IQCH: variants seen among roughly 807,000 people sequenced by gnomAD.
IQCH encodes the protein IQ motif containing H.
In IQCH, 98 loss-of-function variants were observed where a neutral mutation model predicts 117.0. The ratio of observed to expected loss-of-function variants is 0.84; its 90% CI spans 0.71 to 0.99. The LOEUF (loss-of-function observed/expected upper bound fraction) is 0.99, where lower values mean the gene tolerates loss of function less well. Ranked by LOEUF, IQCH falls within the 50% of genes least tolerant of loss-of-function variation. The probability of loss-of-function intolerance (pLI) is 0.00; values close to 1 mark genes in which losing one functional copy is unlikely to be tolerated. For synonymous variants in IQCH, 412 were observed against 448.2 expected, an observed-to-expected ratio of 0.92 and a Z score of 1.02; for missense variants, 1,102 against 1,243.8, an observed-to-expected ratio of 0.89 and a Z score of 1.72.
rs754222282 is a variant in IQCH at position 67,372,377 on chromosome 15, T to C, written c.1020T>C (p.Tyr340=). 25 of 1,614,152 alleles carry C rather than the reference T, an allele frequency of 1.5e-5. No individual in the cohort carries two copies. The highest frequency in any genetic ancestry group is 2.0e-5 in the Non-Finnish European group (24 of 1,180,016). ...EFELTNKLTR[Y]DLLSVLEDPA... ...AGCTGACGAATAAACTTACCAGATA[T>C]GACCTTCTCTCAGTGTTAGAGGACC... The change falls in exon 9 of 21, where the codon TAT becomes TAC. Residue 340 remains tyrosine (Y), a synonymous_variant. Transcript: ENST00000335894.
Position 67,406,459 on chromosome 15 carries a change from C to CA in IQCH, c.2097+6154_2097+6155insA, listed in dbSNP as rs1212033399. On this transcript the variant is annotated intron_variant, in intron 14 of 20. Transcript: ENST00000335894. The surrounding 1 kb of genome is among the most constrained non-coding windows in gnomAD (Gnocchi z 4.5). ...ATCACTCGAGCCCAGGAGTTTGAGG[C>CA]TGCAATGAGTCATGACTGCACCACC... is the stretch of plus-strand genomic sequence containing the variant. 1 of 152,162 alleles carries CA rather than the reference C, an allele frequency of 6.6e-6. No individual in the cohort carries two copies. The highest frequency in any genetic ancestry group is 1.9e-4 in the East Asian group (1 of 5,198). 9.4% of individuals were successfully genotyped at this position (152,162 alleles called of 1,614,324 possible). A position where few individuals can be genotyped will look rare whatever the true frequency, so the allele number is the denominator to read the frequency against.
chr15:67,326,207 A>C (rs1426421642), intron 4 of IQCH, among the ~76,000 whole-genome samples: 1 of 152,144 alleles, frequency 6.6e-6, no homozygotes, highest in Non-Finnish European at 1.5e-5. Flanking sequence ...GTGAGTGAGA[A>C]CATGTGGTGT....
In IQCH at chr15:67,309,494, C is replaced by T. The variant is rs1488488824; in HGVS notation, c.388-27481C>T. Among the ~76,000 whole-genome samples the T allele has an allele frequency of 5.3e-5, 8 of 151,990 alleles. No homozygotes were observed. In the East Asian group the frequency reaches 1.5e-3, roughly 29 times the overall value. ...TATTAAGGACAGGACTGATTTGTCC[C>T]CTCCTCTGTCTAGTCTCTGCTCTGA... On this transcript the variant is annotated intron_variant, in intron 4 of 20. Transcript: ENST00000335894.
In IQCH at chr15:67,359,893, AT is replaced by A. The variant is rs1970062502; in HGVS notation, c.753+11del. ...GGACATCATGATAGGAAGGTCTGTA[AT>A]TTGTGTGACTAGTTGAAATTTAGGG... On this transcript the variant is annotated intron_variant, in intron 8 of 20. Coordinates refer to ENST00000335894, the MANE Select transcript of IQCH (RefSeq NM_001031715.3). This position sits in a 1 kb window ranked among gnomAD's most constrained non-coding sequence, Gnocchi z 4.5. The A allele has an allele frequency of 6.2e-7, 1 of 1,611,236 alleles. No individual in the cohort carries two copies. The highest frequency in any genetic ancestry group is 8.5e-7 in the Non-Finnish European group (1 of 1,177,430).
chr15:67,357,278 A>G (rs115226519), intron 6 of IQCH, 67 bp from the exon 7 acceptor site: 10 of 1,067,234 alleles, frequency 9.4e-6, no homozygotes, highest in Admixed American at 1.7e-5. Flanking sequence ...TGCAAACCCA[A>G]TAGCATCCAA....
chr15:67,442,678 G>A (rs2082300458), intron 16 of IQCH, among the ~76,000 whole-genome samples: 1 of 151,956 alleles, frequency 6.6e-6, no homozygotes. Context: ...CCCATTACTG[G>A]ATATCTACCC....
chr15:67,336,895 CTTTAT>C, intron 4 of IQCH, 75 bp from the exon 5 acceptor site: 1 of 1,401,474 alleles, frequency 7.1e-7, no homozygotes, highest in Non-Finnish European at 9.9e-7. Flanking sequence ...CTATTCATAA[CTTTAT>C]TTATTGTTTA....
intron 7 of IQCH, among the ~76,000 whole-genome samples, chr15:67,358,202 C>CTTTTTTTTTTTTT (rs1555462676): frequency 4.7e-3 from 28 of 5,916 alleles, no homozygotes; most frequent in Non-Finnish European, 5.1e-3. Flanking sequence ...GAGGCACTTT[C>CTTTTTTTTTTTTT]TTTTCTTTTT....
chr15:67,442,817 G>GAGAT (rs201394285), intron 16 of IQCH, among the ~76,000 whole-genome samples: 22,538 of 137,890 alleles, frequency 0.16, 1,932 homozygotes, highest in South Asian at 0.18. Context: ...AAGAAACTGT[G>GAGAT]AGATAGATAG....
chr15:67,409,042 G>A (rs1278467781), intron 14 of IQCH, among the ~76,000 whole-genome samples: 1 of 152,058 alleles, frequency 6.6e-6, no homozygotes, highest in Non-Finnish European at 1.5e-5. Flanking sequence ...CCCCAAACAT[G>A]AACATATTCT....
In IQCH at chr15:67,386,581, A is replaced by C. The variant is rs976110563; in HGVS notation, c.1456+1562A>C. Among the ~76,000 whole-genome samples, 1 of 152,184 alleles carries C rather than the reference A, an allele frequency of 6.6e-6. No individual in the cohort carries two copies. Among genetic ancestry groups the C allele is most frequent in the Non-Finnish European group, 1.5e-5 (1 of 68,040 alleles). On this transcript the variant is annotated intron_variant, in intron 11 of 20. Transcript: ENST00000335894. This position sits in a 1 kb window ranked among gnomAD's most constrained non-coding sequence, Gnocchi z 5.0. ...AAGTAATAATTTTATGGAAGAATAC[A>C]TTATTATCCCCTATGGTTTTTCTTC...
intron 3 of IQCH, among the ~76,000 whole-genome samples, chr15:67,266,010 G>A (rs1041120039): frequency 1.3e-5 from 2 of 152,102 alleles, no homozygotes; most frequent in African/African-American, 4.8e-5. Flanking sequence ...CTTGATCAGG[G>A]GGTCAAAGAG....
Position 67,386,576 on chromosome 15 carries a change from A to G in IQCH, c.1456+1557A>G, listed in dbSNP as rs915994884. Among the ~76,000 whole-genome samples the G allele has an allele frequency of 6.6e-6, 1 of 152,178 alleles. No homozygotes were observed. Among genetic ancestry groups the G allele is most frequent in the Non-Finnish European group, 1.5e-5 (1 of 68,032 alleles). On this transcript the variant is annotated intron_variant, in intron 11 of 20. Transcript: ENST00000335894. This position sits in a 1 kb window ranked among gnomAD's most constrained non-coding sequence, Gnocchi z 5.0. ...AAAATAAGTAATAATTTTATGGAAG[A>G]ATACATTATTATCCCCTATGGTTTT... is the stretch of plus-strand genomic sequence containing the variant.
In IQCH at chr15:67,459,540, A is replaced by C. The variant is rs1309069390; in HGVS notation, c.2506-5587A>C. ...TCTGCTGAGAACACCTCAGGCAAAA[A>C]GGGCTCAAGACCAGGCTTCTCTCCC... On this transcript the variant is annotated intron_variant, in intron 16 of 20. Transcript: ENST00000335894. This position sits in a 1 kb window ranked among gnomAD's most constrained non-coding sequence, Gnocchi z 4.2. 6.6e-6 allele frequency among the ~76,000 whole-genome samples: 1 copy of C among 152,176 alleles called. No homozygotes were observed. The highest frequency in any genetic ancestry group is 1.5e-5 in the Non-Finnish European group (1 of 68,016).
rs572991468 is a variant in IQCH, at chr15:67,409,501, C to A, written c.2098-7430C>A. 3.3e-5 allele frequency among the ~76,000 whole-genome samples: 5 copies of A among 152,270 alleles called. No homozygotes were observed. The East Asian group carries it at 9.6e-4, about 29-fold the overall frequency. ...GCACAACATATGTGCCTCAGTTGGA[C>A]AAAACGCTTCTCGAGTCAAATCAAC... On this transcript the variant is annotated intron_variant, in intron 14 of 20. Transcript: ENST00000335894.
Position 67,425,176 on chromosome 15 carries a change from A to G in IQCH, c.2505+3599A>G, listed in dbSNP as rs1265916430. 6.6e-6 allele frequency among the ~76,000 whole-genome samples: 1 copy of G among 152,184 alleles called. No individual in the cohort carries two copies. The highest frequency in any genetic ancestry group is 2.4e-5 in the African/African-American group (1 of 41,438). ...CCCAGTTAAATTGGACTATAACACAAATGTTGATTTGCTGGAGCTCTTTGT... is the reference window on the plus strand; with the variant it reads ...CCCAGTTAAATTGGACTATAACACAGATGTTGATTTGCTGGAGCTCTTTGT... On this transcript the variant is annotated intron_variant, in intron 16 of 20. Transcript: ENST00000335894. The surrounding 1 kb of genome is among the most constrained non-coding windows in gnomAD (Gnocchi z 5.5).
chr15:67,272,953 G>A (rs1362806680), intron 3 of IQCH, among the ~76,000 whole-genome samples: 4 of 151,940 alleles, frequency 2.6e-5, no homozygotes, highest in Admixed American at 2.6e-4. Flanking sequence ...CATTTTTATT[G>A]CTTGTTTTCT....
At chr15:67,421,093 T>C in intron 15 of IQCH, 198 bp from the exon 16 acceptor site, 1 of 594,844 alleles carries the variant, frequency 1.7e-6, no homozygotes, top group Non-Finnish European at 3.0e-6. Flanking sequence ...ATACTATAGA[T>C]AGATACAGTA....
chr15:67,284,309 G>A (rs542302224), intron 4 of IQCH, among the ~76,000 whole-genome samples: 5 of 151,966 alleles, frequency 3.3e-5, no homozygotes, highest in East Asian at 1.9e-4. Context: ...GTCCTTGTTT[G>A]CCTGGCTTAT....
Sources: allele counts gnomAD v4.1 joint callset (sites outside exome capture counted in the v4.1 genomes callset), GRCh38; gene constraint gnomAD v4.1.1; non-coding constraint Gnocchi (gnomAD v3.1); transcripts MANE v1.5; gene names NCBI Gene and HGNC (gene_info 2026-07-23, HGNC 2026-07-21).